Variants in WWTR1 observed in about 807,000 individuals in gnomAD.
The protein encoded by WWTR1 is WW domain-containing transcription regulator protein 1.
WWTR1 carries 13 observed loss-of-function variants against 40.1 expected under a neutral mutation model. The observed-to-expected ratio is 0.32, with a 90% CI of 0.21 to 0.52. The LOEUF is 0.52. Among genes scored for constraint, WWTR1 ranks in the 20% least tolerant of loss-of-function variants. The probability of loss-of-function intolerance (pLI) is 0.97; values close to 1 mark genes in which losing one functional copy is unlikely to be tolerated. For missense variants in WWTR1, 436 were observed against 523.1 expected (o/e 0.83, Z 1.63); for synonymous variants, 230 against 210.1 (o/e 1.09, Z -0.82).
At chr3:149,625,633 A>T (rs1331992924) in intron 2 of WWTR1, among the ~76,000 whole-genome samples, 1 of 151,936 alleles carries the variant, frequency 6.6e-6, no homozygotes, top group Non-Finnish European at 1.5e-5. Context: ...TCTACTAAAA[A>T]TACAAAAACT....
At chr3:149,667,562 AAAT>A (rs1417982400) in intron 2 of WWTR1, among the ~76,000 whole-genome samples, 4 of 127,488 alleles carry the variant, frequency 3.1e-5, no homozygotes, top group Non-Finnish European at 5.1e-5. Flanking sequence ...AAAAAAAAAA[AAAT>A]TATGAAAAAA....
At chr3:149,615,112 T>A (rs545309145) in intron 2 of WWTR1, among the ~76,000 whole-genome samples, 4 of 152,362 alleles carry the variant, frequency 2.6e-5, no homozygotes, top group African/African-American at 9.6e-5. Flanking sequence ...TGCTAATCTA[T>A]GTGCAGACCA....
At chr3:149,576,516 T>G (rs1442849209) in intron 2 of WWTR1, among the ~76,000 whole-genome samples, 1 of 152,172 alleles carries the variant, frequency 6.6e-6, no homozygotes, top group Admixed American at 6.5e-5. Flanking sequence ...CCCACCTCCT[T>G]CCTGGCTTCA....
At chr3:149,670,942 T>C (rs1431565417) in intron 1 of WWTR1, 1 of 152,062 alleles carries the variant, frequency 6.6e-6, no homozygotes, top group Admixed American at 6.6e-5. Context: ...AGTTTGTGGC[T>C]GGTTATGTAA....
upstream of WWTR1, among the ~76,000 whole-genome samples, chr3:149,707,314 G>C (rs536976040): frequency 6.5e-4 from 99 of 152,274 alleles, 2 homozygotes; most frequent in South Asian, 0.013. Context: ...CCATGCAGAG[G>C]GGTTAGTGTC....
intron 2 of WWTR1, among the ~76,000 whole-genome samples, chr3:149,622,498 GAAGGAAGAAAGAAAGAAAGAAAGAAAGA>G (rs1740340659): frequency 2.0e-5 from 1 of 51,024 alleles, no homozygotes; most frequent in African/African-American, 7.9e-5. Context: ...AGGAAGGAAG[GAAGGAAGAAAGAAAGAAAGAAAGAAAGA>G]AAGAAAGAAA....
At chr3:149,554,257 T>C (rs1736729242) in intron 3 of WWTR1, among the ~76,000 whole-genome samples, 1 of 152,200 alleles carries the variant, frequency 6.6e-6, no homozygotes, top group Non-Finnish European at 1.5e-5. Flanking sequence ...CAGCCACACT[T>C]TCCCAGCTTC....
At position 149,557,829 on chromosome 3, in the gene WWTR1, C is replaced by A. The variant is rs1340698036; in HGVS notation, c.568+15035G>T. Among the ~76,000 whole-genome samples, 4 of 151,666 alleles carry A rather than the reference C, an allele frequency of 2.6e-5. No homozygotes were observed. In the East Asian group the frequency reaches 7.8e-4, roughly 29 times the overall value. ...ACCAGCCTGGCCAACATGGTGAAAC[C>A]CCATCTCTACTAAAAATACAAAAAT... On this transcript the variant is annotated intron_variant, in intron 3 of 6. Transcript: ENST00000360632.
At chr3:149,585,637 C>T (rs34511938) in intron 2 of WWTR1, among the ~76,000 whole-genome samples, 14,191 of 152,130 alleles carry the variant, frequency 0.093, 861 homozygotes, top group Non-Finnish European at 0.13. Context: ...TCCTTTACTG[C>T]CCTTGTTGGT....
At chr3:149,720,913 A>G (rs534366072) in intron 4 of WWTR1, among the ~76,000 whole-genome samples, 3 of 151,776 alleles carry the variant, frequency 2.0e-5, no homozygotes, top group Non-Finnish European at 4.4e-5. Context: ...AAGTTTTTTC[A>G]GATTGTTTAT....
upstream of WWTR1, among the ~76,000 whole-genome samples, chr3:149,662,750 A>T (rs1290659531): frequency 1.3e-5 from 2 of 152,166 alleles, no homozygotes; most frequent in African/African-American, 4.8e-5. Context: ...CTGGCACTAA[A>T]GGTTTCCCAA....
rs193097804 is a variant in WWTR1, at chr3:149,713,571, G to A, written n.584+3871C>T. On this transcript the variant is annotated intron_variant and non_coding_transcript_variant, in intron 5 of 6. Transcript: ENST00000474080. The stretch of plus-strand genomic sequence containing the variant: ...AATTTTTGTATTTTTAGTAGAGACA[G>A]AGTTTCGCCATGTTGGCCAGGCTGG... Among the ~76,000 whole-genome samples the A allele has an allele frequency of 4.2e-3, 633 of 152,236 alleles. 5 individuals carry two copies. Among genetic ancestry groups the A allele is most frequent in the African/African-American group, 0.015 (606 of 41,542 alleles).
At chr3:149,584,702 A>T (rs1323858807) in intron 2 of WWTR1, among the ~76,000 whole-genome samples, 2 of 152,200 alleles carry the variant, frequency 1.3e-5, no homozygotes, top group African/African-American at 2.4e-5. Context: ...ATTTCTTGGC[A>T]TCTTCAGTCG....
chr3:149,528,482 G>A (rs1177528885), intron 4 of WWTR1, among the ~76,000 whole-genome samples: 1 of 152,160 alleles, frequency 6.6e-6, no homozygotes, highest in Non-Finnish European at 1.5e-5. Flanking sequence ...ACAATGAGTT[G>A]AAAGTTTACT....
chr3:149,561,984 A>G (rs1737101179), intron 3 of WWTR1, among the ~76,000 whole-genome samples: 1 of 152,190 alleles, frequency 6.6e-6, no homozygotes, highest in African/African-American at 2.4e-5. Flanking sequence ...AAAACAACTC[A>G]TCAAAAAATA....
intron 2 of WWTR1, among the ~76,000 whole-genome samples, chr3:149,643,261 T>C (rs1410024114): frequency 6.6e-6 from 1 of 152,216 alleles, no homozygotes; most frequent in African/African-American, 2.4e-5. Flanking sequence ...TATCTGAAAC[T>C]ACAGTTACAT....
At position 149,532,695 on chromosome 3, in the gene WWTR1, A is replaced by T. The variant is rs546554322; in HGVS notation, c.772-4726T>A. On this transcript the variant is annotated intron_variant, in intron 4 of 6. Coordinates refer to ENST00000360632, the MANE Select transcript of WWTR1 (RefSeq NM_015472.6). ...ACCTCACCAACATGTTGCCATCCAA[A>T]CAGGGGAGGGTTTTGTTTTAAACTA... 7.9e-5 allele frequency among the ~76,000 whole-genome samples: 12 copies of T among 152,292 alleles called. No individual in the cohort carries two copies. In the South Asian group the frequency reaches 2.3e-3, roughly 29 times the overall value.
intron 2 of WWTR1, 30 bp downstream of exon 2, chr3:149,656,846 G>A (rs1259427582): frequency 2.0e-6 from 3 of 1,497,362 alleles, no homozygotes; most frequent in Non-Finnish European, 2.6e-6. Flanking sequence ...ACTGTGACTT[G>A]GTGCCTTCTT....
rs138869132 is a variant in WWTR1 at position 149,601,420 on chromosome 3, A to G, written c.432-28420T>C. The stretch of plus-strand genomic sequence containing the variant: ...ACTGTGTTGGCCAGGCTGGTCTGGA[A>G]CTCCTAACCTCAAGTGATCCACCTG... On this transcript the variant is annotated intron_variant, in intron 2 of 6. Coordinates refer to ENST00000360632, the MANE Select transcript of WWTR1 (RefSeq NM_015472.6). Among the ~76,000 whole-genome samples the G allele has an allele frequency of 8.0e-3, 1,210 of 152,182 alleles. 19 individuals carry two copies. The highest frequency in any genetic ancestry group is 0.027 in the African/African-American group (1,129 of 41,510).
Sources: allele counts gnomAD v4.1 joint callset (sites outside exome capture counted in the v4.1 genomes callset), GRCh38; gene constraint gnomAD v4.1.1; transcripts MANE v1.5; gene names NCBI Gene and HGNC (gene_info 2026-07-23, HGNC 2026-07-21).